The following LHFPL6 variants were observed in gnomAD, a reference collection of about 807,000 sequenced individuals.
LHFPL6 encodes LHFPL tetraspan subfamily member 6 protein.
In LHFPL6, 9 loss-of-function variants were observed where a neutral mutation model predicts 20.6. The observed-to-expected ratio is 0.44, with a 90% CI of 0.26 to 0.76. LHFPL6 has a LOEUF of 0.76. Ranked by LOEUF, LHFPL6 falls within the 30% of genes least tolerant of loss-of-function variation. The pLI is 0.20. For synonymous variants in LHFPL6, 105 were observed against 98.7 expected, an observed-to-expected ratio of 1.06 and a Z score of -0.38; for missense variants, 218 against 253.5, an observed-to-expected ratio of 0.86 and a Z score of 0.95.
intron 2 of LHFPL6, among the ~76,000 whole-genome samples, chr13:39,509,129 C>A (rs534694269): frequency 1.3e-5 from 2 of 151,986 alleles, no homozygotes; most frequent in Non-Finnish European, 2.9e-5. Flanking sequence ...TGGTTATTTG[C>A]CATCCATGAA....
chr13:39,598,408 G>T (rs144125144), intron 2 of LHFPL6, among the ~76,000 whole-genome samples: 258 of 151,842 alleles, frequency 1.7e-3, no homozygotes, highest in Middle Eastern at 6.8e-3. Context: ...CTTTGGTAAT[G>T]GGTATGTTTA....
chr13:39,397,524 TTTAC>T (rs1241109919), intron 2 of LHFPL6, among the ~76,000 whole-genome samples: 1 of 152,234 alleles, frequency 6.6e-6, no homozygotes, highest in Non-Finnish European at 1.5e-5. Context: ...TTTACCGACT[TTTAC>T]TTAATTAATT....
At chr13:39,358,526 A>T (rs1869785753) in intron 3 of LHFPL6, among the ~76,000 whole-genome samples, 1 of 152,176 alleles carries the variant, frequency 6.6e-6, no homozygotes, top group African/African-American at 2.4e-5. Flanking sequence ...TTGTAATTAA[A>T]AAAAACAACA....
At chr13:39,349,818 C>A (rs1349531504) in intron 3 of LHFPL6, among the ~76,000 whole-genome samples, 1 of 152,072 alleles carries the variant, frequency 6.6e-6, no homozygotes, top group Non-Finnish European at 1.5e-5. Flanking sequence ...GAACAGTATG[C>A]TTGGAGTGAG....
At chr13:39,465,749 G>A (rs1035252404) in intron 2 of LHFPL6, among the ~76,000 whole-genome samples, 2 of 152,160 alleles carry the variant, frequency 1.3e-5, no homozygotes, top group Admixed American at 6.5e-5. Context: ...GGGTGGCCTC[G>A]CAGAACAGAG....
At chr13:39,355,542 C>A (rs1869703128) in intron 3 of LHFPL6, among the ~76,000 whole-genome samples, 1 of 152,102 alleles carries the variant, frequency 6.6e-6, no homozygotes, top group African/African-American at 2.4e-5. Context: ...TCAATATAAA[C>A]CTTGAATGTA....
At chr13:39,479,161 A>G (rs1158899098) in intron 2 of LHFPL6, among the ~76,000 whole-genome samples, 1 of 130,944 alleles carries the variant, frequency 7.6e-6, no homozygotes, top group African/African-American at 3.0e-5. Flanking sequence ...ATCTATCTGT[A>G]TATATACAAT....
intron 2 of LHFPL6, among the ~76,000 whole-genome samples, chr13:39,468,245 T>A (rs1166203042): frequency 6.6e-6 from 1 of 152,250 alleles, no homozygotes. Context: ...TTTCTCCTAA[T>A]TCCTTTCTGA....
At chr13:39,440,464 T>C (rs969136535) in intron 2 of LHFPL6, among the ~76,000 whole-genome samples, 1 of 152,166 alleles carries the variant, frequency 6.6e-6, no homozygotes, top group Non-Finnish European at 1.5e-5. Context: ...TACGAGTCTT[T>C]ATATAAAATT....
chr13:39,583,847 C>T (rs768498505), intron 2 of LHFPL6, among the ~76,000 whole-genome samples: 1 of 152,150 alleles, frequency 6.6e-6, no homozygotes, highest in Non-Finnish European at 1.5e-5. Context: ...TCCAGCTTCA[C>T]CTGACCCATC....
chr13:39,583,601 T>C (rs1054388632), intron 2 of LHFPL6, among the ~76,000 whole-genome samples: 3 of 152,180 alleles, frequency 2.0e-5, no homozygotes, highest in Admixed American at 1.3e-4. Flanking sequence ...ACAATAATGG[T>C]TACCTCTACC....
chr13:39,473,954 C>T (rs1348520845), intron 2 of LHFPL6, among the ~76,000 whole-genome samples: 2 of 152,180 alleles, frequency 1.3e-5, no homozygotes, highest in African/African-American at 4.8e-5. Context: ...AAATAAATGA[C>T]CATCCAGTAA....
At chr13:39,579,764 CA>C (rs1872222437) in intron 2 of LHFPL6, among the ~76,000 whole-genome samples, 1 of 152,106 alleles carries the variant, frequency 6.6e-6, no homozygotes, top group Non-Finnish European at 1.5e-5. Flanking sequence ...ATATCACTGG[CA>C]AGTTTCATTT....
intron 2 of LHFPL6, among the ~76,000 whole-genome samples, chr13:39,505,343 G>A (rs1033721800): frequency 6.6e-6 from 1 of 152,124 alleles, no homozygotes; most frequent in Non-Finnish European, 1.5e-5. Flanking sequence ...TTGATGTCAG[G>A]AATCTGTCAA....
rs530864034 is a variant in LHFPL6, at chr13:39,594,468, C to A, written c.385+6364G>T. 3.3e-4 allele frequency among the ~76,000 whole-genome samples: 51 copies of A among 152,302 alleles called. No homozygotes were observed. In the South Asian group the frequency reaches 0.01, roughly 31 times the overall value. On this transcript the variant is annotated intron_variant, in intron 2 of 3. Transcript: ENST00000379589. Reference sequence around the variant, plus strand: ...CAATCATTAAAAAGTCAGGAAACAACAGGTGCTGGAGAGGATGTGGAGAAA... The same window carrying A: ...CAATCATTAAAAAGTCAGGAAACAAAAGGTGCTGGAGAGGATGTGGAGAAA...
chr13:39,373,069 G>A (rs199824541), intron 3 of LHFPL6, among the ~76,000 whole-genome samples: 2 of 152,306 alleles, frequency 1.3e-5, no homozygotes, highest in East Asian at 3.9e-4. Flanking sequence ...AATACTTCCT[G>A]AGGAAGCTCA....
At chr13:39,518,656 C>T (rs1173323568) in intron 2 of LHFPL6, among the ~76,000 whole-genome samples, 1 of 152,148 alleles carries the variant, frequency 6.6e-6, no homozygotes, top group Non-Finnish European at 1.5e-5. Flanking sequence ...AAGGCCACAC[C>T]TGTGTATTTG....
At chr13:39,459,268 C>A (rs1872640161) in intron 2 of LHFPL6, among the ~76,000 whole-genome samples, 1 of 148,464 alleles carries the variant, frequency 6.7e-6, no homozygotes, top group Non-Finnish European at 1.5e-5. Flanking sequence ...TGTGTGTTAA[C>A]AAACCAGTTT....
At chr13:39,479,923 A>G (rs1030652998) in intron 2 of LHFPL6, among the ~76,000 whole-genome samples, 1 of 152,230 alleles carries the variant, frequency 6.6e-6, no homozygotes, top group African/African-American at 2.4e-5. Context: ...ACAGCCAAGA[A>G]ACCAGTAACC....
Sources: gnomAD v4.1 joint callset for allele counts (sites outside exome capture counted in the v4.1 genomes callset) on GRCh38, gnomAD v4.1.1 for gene constraint, MANE v1.5 for transcripts, NCBI Gene and HGNC (gene_info 2026-07-23, HGNC 2026-07-21) for gene names.